GAP43: variants seen among roughly 807,000 people sequenced by gnomAD.
GAP43 encodes neuromodulin.
A neutral mutation model predicts 18.6 loss-of-function variants in GAP43; 6 were observed. That is an observed-to-expected ratio of 0.32 (90% CI 0.18 to 0.64). GAP43 has a LOEUF of 0.64. Ranked by LOEUF, GAP43 falls within the 30% of genes least tolerant of loss-of-function variation. The pLI, the probability that GAP43 is intolerant of heterozygous loss-of-function variation, is 0.78. For missense variants in GAP43, 292 were observed against 295.5 expected (o/e 0.99, Z 0.09); for synonymous variants, 115 against 111.4 (o/e 1.03, Z -0.20).
Position 115,676,219 on chromosome 3 carries a change from G to A in GAP43, c.237G>A (p.Glu79=). The change falls in exon 2 of 3, where the codon GAG becomes GAA. Residue 79 remains glutamate (E), a synonymous_variant. Transcript: ENST00000305124. Reference sequence around the variant, plus strand: ...AAGCCCCTGTTGCCGATGGGGTGGAGAAGAAGGGAGAAGGCACCACTACTG... The same window carrying A: ...AAGCCCCTGTTGCCGATGGGGTGGAAAAGAAGGGAGAAGGCACCACTACTG... ...KDEAPVADGV[E]KKGEGTTTAE... The A allele has an allele frequency of 6.2e-7, 1 of 1,614,200 alleles. No individual in the cohort carries two copies. The highest frequency in any genetic ancestry group is 8.5e-7 in the Non-Finnish European group (1 of 1,180,034).
At chr3:115,712,030 G>A (rs1709446213) in intron 2 of GAP43, among the ~76,000 whole-genome samples, 1 of 152,098 alleles carries the variant, frequency 6.6e-6, no homozygotes, top group African/African-American at 2.4e-5. Context: ...GAAGAAGAGA[G>A]AACACTAATT....
chr3:115,679,680 C>G (rs1458546345), intron 2 of GAP43, among the ~76,000 whole-genome samples: 4 of 152,176 alleles, frequency 2.6e-5, no homozygotes, highest in African/African-American at 9.7e-5. Flanking sequence ...AAGGAATTCT[C>G]TCTTACGTCT....
At chr3:115,694,894 AACAT>A (rs1255036005) in intron 2 of GAP43, among the ~76,000 whole-genome samples, 1 of 152,212 alleles carries the variant, frequency 6.6e-6, no homozygotes, top group Non-Finnish European at 1.5e-5. Flanking sequence ...GATATAATAA[AACAT>A]ACACAACATT....
intron 1 of GAP43, among the ~76,000 whole-genome samples, chr3:115,653,833 C>T (rs1370825614): frequency 6.6e-6 from 1 of 151,966 alleles, no homozygotes; most frequent in African/African-American, 2.4e-5. Flanking sequence ...TAACACTTTG[C>T]CTTGTTCATA....
At chr3:115,662,945 T>C (rs1377241272) in intron 1 of GAP43, among the ~76,000 whole-genome samples, 1 of 152,212 alleles carries the variant, frequency 6.6e-6, no homozygotes, top group Non-Finnish European at 1.5e-5. Context: ...TAGGAATTAA[T>C]TCAAGAGTCG....
At chr3:115,709,453 A>AAGTTCAC (rs1221555839) in intron 2 of GAP43, among the ~76,000 whole-genome samples, 4 of 152,200 alleles carry the variant, frequency 2.6e-5, no homozygotes, top group African/African-American at 9.7e-5. Context: ...CTCAACTGGG[A>AAGTTCAC]TCCTGTGGAG....
chr3:115,675,590 G>A (rs1361498307), intron 1 of GAP43, among the ~76,000 whole-genome samples: 2 of 151,706 alleles, frequency 1.3e-5, no homozygotes, highest in East Asian at 1.9e-4. Flanking sequence ...ATGAAACCCC[G>A]TCTCTACAAA....
intron 1 of GAP43, among the ~76,000 whole-genome samples, chr3:115,669,986 TTTTTTTTTTAA>T (rs1469854856): frequency 9.0e-4 from 101 of 112,512 alleles, no homozygotes; most frequent in African/African-American, 4.0e-3. Context: ...TTTTTTTTAA[TTTTTTTTTTAA>T]TTTTTTTTTT....
intron 1 of GAP43, among the ~76,000 whole-genome samples, chr3:115,624,814 T>G (rs560238022): frequency 3.7e-4 from 56 of 150,816 alleles, no homozygotes; most frequent in African/African-American, 1.4e-3. Context: ...TTTGTTGGAA[T>G]GCATTTGAGT....
chr3:115,633,191 G>C (rs1446667440), intron 1 of GAP43, among the ~76,000 whole-genome samples: 1 of 152,014 alleles, frequency 6.6e-6, no homozygotes, highest in Non-Finnish European at 1.5e-5. Context: ...AATGATGAGA[G>C]AGAAAGAGAG....
intron 2 of GAP43, among the ~76,000 whole-genome samples, chr3:115,701,040 A>G (rs1709291160): frequency 6.6e-6 from 1 of 152,090 alleles, no homozygotes; most frequent in Admixed American, 6.6e-5. Flanking sequence ...AAGGAAAGCT[A>G]TGTTCCCTGT....
At chr3:115,626,414 A>G (rs1446960565) in intron 1 of GAP43, among the ~76,000 whole-genome samples, 1 of 152,224 alleles carries the variant, frequency 6.6e-6, no homozygotes, top group African/African-American at 2.4e-5. Context: ...AGAAGAAAGC[A>G]TAAATGATCT....
chr3:115,701,613 C>T (rs1337411716), intron 2 of GAP43, among the ~76,000 whole-genome samples: 2 of 152,020 alleles, frequency 1.3e-5, no homozygotes, highest in Non-Finnish European at 2.9e-5. Flanking sequence ...TGTTCTTGGA[C>T]CTATAATTAG....
intron 2 of GAP43, among the ~76,000 whole-genome samples, chr3:115,702,633 T>C (rs1709310103): frequency 6.6e-6 from 1 of 152,012 alleles, no homozygotes; most frequent in South Asian, 2.1e-4. Context: ...CCATTAGACT[T>C]TTATAGGAAG....
chr3:115,706,681 T>G (rs1269697272), intron 2 of GAP43, among the ~76,000 whole-genome samples: 3 of 152,188 alleles, frequency 2.0e-5, no homozygotes, highest in African/African-American at 7.2e-5. Context: ...CACCTTTGCC[T>G]TTGTGATCAT....
At chr3:115,677,488 A>C (rs1708908138) in intron 2 of GAP43, among the ~76,000 whole-genome samples, 1 of 152,206 alleles carries the variant, frequency 6.6e-6, no homozygotes, top group Non-Finnish European at 1.5e-5. Context: ...TCCCAGAGCA[A>C]GATAAATTCA....
At chr3:115,670,004 T>G (rs1346885989) in intron 1 of GAP43, among the ~76,000 whole-genome samples, 1 of 147,368 alleles carries the variant, frequency 6.8e-6, no homozygotes, top group Non-Finnish European at 1.5e-5. Context: ...TTAATTTTTT[T>G]TTTTATTATA....
At chr3:115,647,237 A>G (rs1708468128) in intron 1 of GAP43, among the ~76,000 whole-genome samples, 1 of 152,040 alleles carries the variant, frequency 6.6e-6, no homozygotes. Flanking sequence ...ATTATACAGA[A>G]GGCAGGCCCT....
intron 2 of GAP43, among the ~76,000 whole-genome samples, chr3:115,678,256 T>A (rs991413376): frequency 6.6e-6 from 1 of 152,346 alleles, no homozygotes; most frequent in African/African-American, 2.4e-5. Flanking sequence ...GTCATTTTCA[T>A]ACATCTTAGA....
Sources: gnomAD v4.1 joint callset for allele counts (sites outside exome capture counted in the v4.1 genomes callset) on GRCh38, gnomAD v4.1.1 for gene constraint, MANE v1.5 for transcripts, NCBI Gene and HGNC (gene_info 2026-07-23, HGNC 2026-07-21) for gene names.